The following CHSY3 variants were observed in gnomAD, a reference collection of about 807,000 sequenced individuals.
CHSY3 encodes N-acetylgalactosaminyl-proteoglycan 3-beta-glucuronosyltransferase 3.
A neutral mutation model predicts 67.2 loss-of-function variants in CHSY3; 35 were observed. The observed-to-expected ratio is 0.52, with a 90% CI of 0.40 to 0.69. The LOEUF (loss-of-function observed/expected upper bound fraction) is 0.69. Among genes scored for constraint, CHSY3 ranks in the 30% least tolerant of loss-of-function variants. The pLI is 0.00. For synonymous variants in CHSY3, 474 were observed against 434.7 expected (o/e 1.09, Z -1.12); for missense variants, 1,069 against 1,138.5 (o/e 0.94, Z 0.88).
intron 2 of CHSY3, among the ~76,000 whole-genome samples, chr5:130,108,728 T>C (rs1767491299): frequency 6.6e-6 from 1 of 151,704 alleles, no homozygotes; most frequent in South Asian, 2.1e-4. Context: ...GCATTCACAC[T>C]TAGGCTTTTC....
At chr5:130,044,768 C>T (rs187423806) in intron 2 of CHSY3, among the ~76,000 whole-genome samples, 3 of 152,046 alleles carry the variant, frequency 2.0e-5, no homozygotes, top group East Asian at 3.9e-4. Flanking sequence ...TGTCAAGTAA[C>T]GTAAGAAAAG....
In CHSY3 at chr5:129,905,544, T is replaced by G. The variant is rs1760249451; in HGVS notation, c.715T>G (p.Ser239Ala). 6.2e-7 allele frequency: 1 copy of G among 1,613,408 alleles called. No homozygotes were observed. The highest frequency in any genetic ancestry group is 1.3e-5 in the African/African-American group (1 of 74,876). Residue 239 changes from serine (S) to alanine (A), a missense_variant, in exon 1 of 3, where the codon TCC (serine) becomes GCC (alanine). By Grantham distance (99) the Ser-to-Ala change is moderately conservative. Coordinates refer to ENST00000305031, the MANE Select transcript of CHSY3 (RefSeq NM_175856.5). ...VDDSYPPQKK[S>A]FMMIKYMHDH... is the part of the protein sequence containing the mutation. Reference sequence around the variant, plus strand: ...CGACTCCTATCCTCCCCAGAAAAAGTCCTTCATGATGATCAAGTACATGCA... The same window carrying G: ...CGACTCCTATCCTCCCCAGAAAAAGGCCTTCATGATGATCAAGTACATGCA...
chr5:130,042,483 T>C (rs1459553420), intron 2 of CHSY3, among the ~76,000 whole-genome samples: 1 of 150,700 alleles, frequency 6.6e-6, no homozygotes, highest in Non-Finnish European at 1.5e-5. Context: ...AATTCCTTTG[T>C]CTATTGGTTT....
intron 2 of CHSY3, among the ~76,000 whole-genome samples, chr5:130,075,334 T>C (rs977511269): frequency 2.0e-5 from 3 of 152,160 alleles, no homozygotes; most frequent in Admixed American, 1.3e-4. Flanking sequence ...GATAATACAA[T>C]AAAGCAATAT....
intron 2 of CHSY3, among the ~76,000 whole-genome samples, chr5:130,174,554 T>G (rs1769987514): frequency 6.6e-6 from 1 of 152,064 alleles, no homozygotes; most frequent in South Asian, 2.1e-4. Flanking sequence ...TAAGGCAAAT[T>G]TAATCAAGAG....
intron 2 of CHSY3, among the ~76,000 whole-genome samples, chr5:129,961,129 A>G (rs927948392): frequency 2.6e-5 from 4 of 152,224 alleles, no homozygotes; most frequent in South Asian, 2.1e-4. Flanking sequence ...CAGCTAATGC[A>G]TGGAACACAC....
intron 2 of CHSY3, among the ~76,000 whole-genome samples, chr5:130,107,322 C>T (rs966483564): frequency 1.1e-4 from 17 of 151,124 alleles, no homozygotes; most frequent in Non-Finnish European, 8.9e-5. Flanking sequence ...CTATAGCTAA[C>T]GTTAACAATA....
At chr5:129,967,369 G>C (rs1206611625) in intron 2 of CHSY3, among the ~76,000 whole-genome samples, 5 of 151,852 alleles carry the variant, frequency 3.3e-5, no homozygotes, top group African/African-American at 9.7e-5. Context: ...TTTTAGATAT[G>C]TGTATATATA....
chr5:129,945,892 ATTC>A (rs1392409255), intron 2 of CHSY3, among the ~76,000 whole-genome samples: 1 of 152,206 alleles, frequency 6.6e-6, no homozygotes, highest in Non-Finnish European at 1.5e-5. Context: ...TGGCTGATAC[ATTC>A]TTTTTTCTCT....
intron 2 of CHSY3, among the ~76,000 whole-genome samples, chr5:129,913,874 A>C (rs1285838107): frequency 1.3e-5 from 2 of 152,188 alleles, no homozygotes; most frequent in Non-Finnish European, 2.9e-5. Context: ...TTTACACTAG[A>C]ATGTTTTATG....
At chr5:129,981,341 C>G (rs1432413866) in intron 2 of CHSY3, among the ~76,000 whole-genome samples, 2 of 151,960 alleles carry the variant, frequency 1.3e-5, no homozygotes, top group East Asian at 3.9e-4. Context: ...GTCTTGATTA[C>G]TGTAGCTTTA....
intron 2 of CHSY3, among the ~76,000 whole-genome samples, chr5:130,162,805 T>A: frequency 6.6e-6 from 1 of 152,182 alleles, no homozygotes; most frequent in Non-Finnish European, 1.5e-5. Flanking sequence ...TCTTGAAGGA[T>A]GGTAGAAAGG....
chr5:130,145,052 A>C (rs1769030450), intron 2 of CHSY3, among the ~76,000 whole-genome samples: 1 of 152,152 alleles, frequency 6.6e-6, no homozygotes, highest in Non-Finnish European at 1.5e-5. Flanking sequence ...AGATCTTATG[A>C]GAACCCACTC....
At chr5:130,178,249 A>ATTTTTT (rs1253548592) in intron 2 of CHSY3, among the ~76,000 whole-genome samples, 15 of 68,478 alleles carry the variant, frequency 2.2e-4, no homozygotes, top group African/African-American at 9.6e-4. Flanking sequence ...ATATATATAT[A>ATTTTTT]TATATTTTTT....
Position 129,904,852 on chromosome 5 carries a change from C to T in CHSY3, c.23C>T (p.Pro8Leu), listed in dbSNP as rs1760176061. 4 of 1,458,270 alleles carry T rather than the reference C, an allele frequency of 2.7e-6. No homozygotes were observed. Among genetic ancestry groups the T allele is most frequent in the East Asian group, 2.7e-5 (1 of 36,882 alleles). 90.3% of individuals were successfully genotyped at this position (1,458,270 alleles called of 1,614,324 possible). A position where few individuals can be genotyped will look rare whatever the true frequency, so the allele number is the denominator to read the frequency against. The stretch of plus-strand genomic sequence containing the variant: ...GCGATGGCTGTGCGCTCTCGCCGCC[C>T]GTGGATGAGCGTGGCATTAGGGCTG... MAVRSRR[P>L]WMSVALGLVL... Residue 8 changes from proline (P) to leucine (L), a missense_variant, in exon 1 of 3, where the codon CCG (proline) becomes CTG (leucine). Physicochemically the swap from Pro to Leu is moderately conservative, Grantham distance 98. Coordinates refer to ENST00000305031, the MANE Select transcript of CHSY3 (RefSeq NM_175856.5).
At chr5:130,081,969 T>C (rs190551368) in intron 2 of CHSY3, among the ~76,000 whole-genome samples, 115 of 152,274 alleles carry the variant, frequency 7.6e-4, no homozygotes, top group African/African-American at 2.6e-3. Flanking sequence ...GAATTATTGC[T>C]TGAACTAGAA....
intron 2 of CHSY3, among the ~76,000 whole-genome samples, chr5:129,938,061 G>C (rs1247007071): frequency 6.6e-6 from 1 of 152,154 alleles, no homozygotes; most frequent in African/African-American, 2.4e-5. Flanking sequence ...CTAGGTGGAG[G>C]CTCCCAAGCC....
chr5:129,910,960 G>A (rs996044796), intron 2 of CHSY3, among the ~76,000 whole-genome samples: 2 of 146,872 alleles, frequency 1.4e-5, no homozygotes, highest in Non-Finnish European at 3.0e-5. Context: ...TTTTATCTAT[G>A]CCTTTCACAA....
intron 2 of CHSY3, among the ~76,000 whole-genome samples, chr5:129,913,306 A>T (rs1467471303): frequency 6.6e-6 from 1 of 152,228 alleles, no homozygotes; most frequent in African/African-American, 2.4e-5. Context: ...GATAATGCAC[A>T]TATTGCAAGT....
Sources: allele counts gnomAD v4.1 joint callset (sites outside exome capture counted in the v4.1 genomes callset), GRCh38; gene constraint gnomAD v4.1.1; transcripts MANE v1.5; gene names NCBI Gene and HGNC (gene_info 2026-07-23, HGNC 2026-07-21).